Variants in ARL15 observed in about 807,000 individuals in gnomAD.
ARL15 encodes ADP-ribosylation factor-like protein 15.
ARL15 carries 19 observed loss-of-function variants against 25.2 expected under a neutral mutation model. The observed-to-expected ratio is 0.75, with a 90% CI of 0.53 to 1.10. The LOEUF is 1.10. Ranked by LOEUF, ARL15 falls within the 50% of genes least tolerant of loss-of-function variation. The pLI is 0.00. For synonymous variants in ARL15, 94 were observed against 86.8 expected (o/e 1.08, Z -0.46); for missense variants, 220 against 246.0 (o/e 0.89, Z 0.71).
At chr5:53,967,014 C>CA (rs776911810) in intron 4 of ARL15, among the ~76,000 whole-genome samples, 1 of 152,130 alleles carries the variant, frequency 6.6e-6, no homozygotes, top group Non-Finnish European at 1.5e-5. Flanking sequence ...AATGATACTG[C>CA]AGGTGTATAA....
chr5:54,219,309 T>C (rs1756306416), intron 1 of ARL15, among the ~76,000 whole-genome samples: 1 of 152,172 alleles, frequency 6.6e-6, no homozygotes, highest in Non-Finnish European at 1.5e-5. Context: ...TTAAGTCATG[T>C]CTGCTTGCAC....
At chr5:54,115,693 C>A (rs974380769) in intron 3 of ARL15, among the ~76,000 whole-genome samples, 1 of 152,134 alleles carries the variant, frequency 6.6e-6, no homozygotes, top group African/African-American at 2.4e-5. Flanking sequence ...GGATCAAGGA[C>A]ATTTGATGTT....
intron 1 of ARL15, among the ~76,000 whole-genome samples, chr5:54,247,020 T>G (rs1004881641): frequency 1.3e-5 from 2 of 152,260 alleles, no homozygotes; most frequent in Non-Finnish European, 2.9e-5. Context: ...AAAGACTGTA[T>G]AAATGTACAT....
At chr5:54,285,874 G>A (rs1457902812) in intron 1 of ARL15, among the ~76,000 whole-genome samples, 4 of 152,136 alleles carry the variant, frequency 2.6e-5, no homozygotes, top group South Asian at 2.1e-4. Flanking sequence ...GTGACGACCC[G>A]TTCCAAGGTA....
chr5:54,096,666 C>T (rs1752297324), intron 4 of ARL15, among the ~76,000 whole-genome samples: 1 of 152,198 alleles, frequency 6.6e-6, no homozygotes, highest in South Asian at 2.1e-4. Flanking sequence ...CCACCTTGGC[C>T]TCCCATGTGC....
intron 4 of ARL15, among the ~76,000 whole-genome samples, chr5:54,049,544 C>G (rs1750641301): frequency 6.6e-6 from 1 of 152,040 alleles, no homozygotes; most frequent in African/African-American, 2.4e-5. Flanking sequence ...CAACTGGAAG[C>G]CAATCCAATT....
chr5:53,999,830 G>T (rs1288646106), intron 4 of ARL15, among the ~76,000 whole-genome samples: 1 of 152,016 alleles, frequency 6.6e-6, no homozygotes, highest in Admixed American at 6.5e-5. Context: ...GGGAGGTGGA[G>T]GTTGCAGTGA....
chr5:54,146,215 A>C (rs1032772257), intron 3 of ARL15, among the ~76,000 whole-genome samples: 4 of 152,126 alleles, frequency 2.6e-5, no homozygotes, highest in Non-Finnish European at 4.4e-5. Flanking sequence ...CAAAAAAAAA[A>C]CAAAAAACAA....
intron 3 of ARL15, among the ~76,000 whole-genome samples, chr5:54,153,087 T>C (rs1754117094): frequency 6.6e-6 from 1 of 152,228 alleles, no homozygotes; most frequent in Non-Finnish European, 1.5e-5. Context: ...AATAAAATAC[T>C]TAGTAACAGC....
At chr5:54,086,940 T>C (rs185795165) in intron 4 of ARL15, among the ~76,000 whole-genome samples, 51 of 152,362 alleles carry the variant, frequency 3.3e-4, no homozygotes, top group African/African-American at 1.1e-3. Context: ...ACATACTTTA[T>C]GGCTAAATAA....
In ARL15 at chr5:53,946,381, C is replaced by T. The variant is rs1406736934; in HGVS notation, c.463-59668G>A. The stretch of plus-strand genomic sequence containing the variant: ...AGGAGAACTGCTTGTACTTGGAAGG[C>T]GGAGGTTGCAGTGAGCTGAGATCAC... On this transcript the variant is annotated intron_variant, in intron 4 of 4. Coordinates refer to ENST00000504924, the MANE Select transcript of ARL15 (RefSeq NM_019087.3). Among the ~76,000 whole-genome samples, 6 of 130,200 alleles carry T rather than the reference C, an allele frequency of 4.6e-5. No homozygotes were observed. In the Admixed American group the frequency reaches 4.9e-4, roughly 11 times the overall value. The allele number at this position is 130,200 out of a possible 152,430, so 85.4% of individuals were successfully genotyped here.
intron 3 of ARL15, among the ~76,000 whole-genome samples, chr5:54,131,159 ATAT>A (rs1753417716): frequency 6.6e-6 from 1 of 152,204 alleles, no homozygotes; most frequent in Admixed American, 6.5e-5. Flanking sequence ...TACCATTAAA[ATAT>A]TATCATTTTC....
chr5:54,206,687 G>C (rs957463027), intron 1 of ARL15, among the ~76,000 whole-genome samples: 6 of 152,270 alleles, frequency 3.9e-5, no homozygotes, highest in Admixed American at 6.5e-5. Flanking sequence ...ATTTGTGTAA[G>C]CCCAGAGGGG....
At chr5:54,069,119 C>T (rs1561210994) in intron 4 of ARL15, among the ~76,000 whole-genome samples, 1 of 151,866 alleles carries the variant, frequency 6.6e-6, no homozygotes, top group African/African-American at 2.4e-5. Flanking sequence ...TGGATAAATC[C>T]AGAAATCTGG....
At chr5:54,153,308 TTC>T (rs1336081194) in intron 3 of ARL15, among the ~76,000 whole-genome samples, 1 of 152,204 alleles carries the variant, frequency 6.6e-6, no homozygotes, top group Non-Finnish European at 1.5e-5. Flanking sequence ...CTGCTTGTAT[TTC>T]TTTTTTGAAT....
chr5:54,221,777 G>C (rs1756378307), intron 1 of ARL15, among the ~76,000 whole-genome samples: 1 of 149,592 alleles, frequency 6.7e-6, no homozygotes, highest in Non-Finnish European at 1.5e-5. Flanking sequence ...CCAAAAAAAA[G>C]TCATGGGGGC....
chr5:54,060,142 A>C (rs1327481767), intron 4 of ARL15, among the ~76,000 whole-genome samples: 3 of 151,250 alleles, frequency 2.0e-5, no homozygotes, highest in South Asian at 4.2e-4. Flanking sequence ...AAAAAAAAAA[A>C]AAAAAAAAAA....
At chr5:54,278,698 A>C (rs1757980255) in intron 1 of ARL15, among the ~76,000 whole-genome samples, 1 of 152,074 alleles carries the variant, frequency 6.6e-6, no homozygotes, top group Admixed American at 6.5e-5. Flanking sequence ...ATAATGTCTA[A>C]GTTTTTCTAC....
At chr5:54,003,308 T>C (rs928018768) in intron 4 of ARL15, among the ~76,000 whole-genome samples, 9 of 152,194 alleles carry the variant, frequency 5.9e-5, no homozygotes, top group Non-Finnish European at 1.0e-4. Flanking sequence ...CTGTATCTCT[T>C]TGCTTCAAAT....
Sources: gnomAD v4.1 joint callset for allele counts (sites outside exome capture counted in the v4.1 genomes callset) on GRCh38, gnomAD v4.1.1 for gene constraint, MANE v1.5 for transcripts, NCBI Gene and HGNC (gene_info 2026-07-23, HGNC 2026-07-21) for gene names.